Variants in PLXDC2 observed in about 807,000 individuals in gnomAD.
PLXDC2 encodes the protein plexin domain containing 2, also known as plexin domain-containing protein 2.
PLXDC2 carries 40 observed loss-of-function variants against 68.9 expected under a neutral mutation model. The observed-to-expected ratio is 0.58, with a 90% CI of 0.45 to 0.76. The LOEUF (loss-of-function observed/expected upper bound fraction) is 0.76, where lower values mean the gene tolerates loss of function less well. Ranked by LOEUF, PLXDC2 falls within the 30% of genes least tolerant of loss-of-function variation. The pLI, the probability that PLXDC2 is intolerant of heterozygous loss-of-function variation, is 0.00. For missense variants in PLXDC2, 644 were observed against 661.9 expected (o/e 0.97, Z 0.30); for synonymous variants, 243 against 234.2 (o/e 1.04, Z -0.34).
chr10:20,276,320 G>C (rs1836006565), intron 13 of PLXDC2, among the ~76,000 whole-genome samples: 1 of 152,146 alleles, frequency 6.6e-6, no homozygotes, highest in African/African-American at 2.4e-5. Flanking sequence ...ACTGCTAACT[G>C]AGGGTGCCCT....
intron 4 of PLXDC2, among the ~76,000 whole-genome samples, chr10:20,097,165 G>A (rs1009054110): frequency 6.6e-6 from 1 of 152,120 alleles, no homozygotes; most frequent in Admixed American, 6.6e-5. Context: ...GAGAGTATAT[G>A]TAACGCAGTT....
chr10:20,251,880 G>C (rs762279137), intron 13 of PLXDC2, among the ~76,000 whole-genome samples: 16 of 151,262 alleles, frequency 1.1e-4, no homozygotes, highest in Non-Finnish European at 2.1e-4. Context: ...AAATTGATAA[G>C]AACCTCATGA....
At chr10:20,250,197 G>C (rs1343698774) in intron 13 of PLXDC2, among the ~76,000 whole-genome samples, 2 of 151,048 alleles carry the variant, frequency 1.3e-5, no homozygotes, top group East Asian at 3.9e-4. Context: ...GAACCTGGGA[G>C]GTGGAGGTTG....
intron 13 of PLXDC2, among the ~76,000 whole-genome samples, chr10:20,268,703 A>T (rs939338513): frequency 3.2e-4 from 48 of 152,194 alleles, no homozygotes; most frequent in Admixed American, 3.1e-3. Flanking sequence ...GACACAAGTA[A>T]CTTGACAAGA....
chr10:19,965,072 C>G (rs10508605), intron 1 of PLXDC2, among the ~76,000 whole-genome samples: 7,945 of 152,234 alleles, frequency 0.052, 268 homozygotes, highest in Middle Eastern at 0.092. Flanking sequence ...ATTCGTTTGG[C>G]CACTTTTCTA....
intron 12 of PLXDC2, among the ~76,000 whole-genome samples, chr10:20,219,653 A>G (rs1262814053): frequency 1.3e-5 from 2 of 152,190 alleles, no homozygotes; most frequent in African/African-American, 4.8e-5. Flanking sequence ...GAGGGAAAAA[A>G]GTTTTACTGA....
intron 4 of PLXDC2, among the ~76,000 whole-genome samples, chr10:20,100,826 A>G (rs192224059): frequency 6.6e-6 from 1 of 152,192 alleles, no homozygotes; most frequent in Non-Finnish European, 1.5e-5. Context: ...ACTCATCTCA[A>G]TTGAGATGAA....
At chr10:20,093,365 A>G (rs1833306416) in intron 4 of PLXDC2, among the ~76,000 whole-genome samples, 1 of 152,156 alleles carries the variant, frequency 6.6e-6, no homozygotes, top group Non-Finnish European at 1.5e-5. Flanking sequence ...ATCAATATCT[A>G]TCAATATCTA....
chr10:20,018,606 A>G (rs1240919708), intron 2 of PLXDC2, among the ~76,000 whole-genome samples: 5 of 152,202 alleles, frequency 3.3e-5, no homozygotes, highest in African/African-American at 1.2e-4. Context: ...CCAAGTTTTC[A>G]AAAGTATTTA....
intron 2 of PLXDC2, among the ~76,000 whole-genome samples, chr10:20,016,123 C>T (rs769875493): frequency 1.3e-5 from 2 of 152,162 alleles, no homozygotes; most frequent in Non-Finnish European, 2.9e-5. Context: ...TGGACTGTTT[C>T]AAAAGACCAA....
At chr10:19,898,184 T>A (rs1049957975) in intron 1 of PLXDC2, among the ~76,000 whole-genome samples, 1 of 152,208 alleles carries the variant, frequency 6.6e-6, no homozygotes, top group Non-Finnish European at 1.5e-5. Flanking sequence ...TATTTGTATT[T>A]TTTGGTTTGT....
chr10:20,069,403 C>T (rs937091841), intron 4 of PLXDC2, among the ~76,000 whole-genome samples: 5 of 152,234 alleles, frequency 3.3e-5, no homozygotes, highest in Admixed American at 6.5e-5. Context: ...TGGCTCATAC[C>T]TGTAGCTACT....
At chr10:20,067,424 G>A (rs759382878) in intron 3 of PLXDC2, among the ~76,000 whole-genome samples, 1 of 152,050 alleles carries the variant, frequency 6.6e-6, no homozygotes, top group Non-Finnish European at 1.5e-5. Flanking sequence ...GGTGGCTCAC[G>A]CCTGTAATCC....
chr10:19,908,288 TAAG>T (rs1358962312), intron 1 of PLXDC2, among the ~76,000 whole-genome samples: 2 of 152,218 alleles, frequency 1.3e-5, no homozygotes, highest in African/African-American at 2.4e-5. Flanking sequence ...TAGGACATTT[TAAG>T]AAGTTTTCTA....
intron 4 of PLXDC2, among the ~76,000 whole-genome samples, chr10:20,120,993 CAG>C (rs759304013): frequency 6.6e-6 from 1 of 151,988 alleles, no homozygotes; most frequent in Non-Finnish European, 1.5e-5. Flanking sequence ...TCAGGTGGAT[CAG>C]AGAGATACAG....
At chr10:20,263,162 G>A (rs760355701) in intron 13 of PLXDC2, among the ~76,000 whole-genome samples, 6 of 152,210 alleles carry the variant, frequency 3.9e-5, no homozygotes, top group Non-Finnish European at 7.4e-5. Context: ...AAATAGGCAC[G>A]CAGACCAATG....
chr10:19,817,292 C>A (rs560667156), intron 1 of PLXDC2, 101 bp downstream of exon 1: 2 of 964,736 alleles, frequency 2.1e-6, no homozygotes, highest in African/African-American at 1.6e-5. Flanking sequence ...CACCTATCTG[C>A]CCTTGGGAAA....
intron 1 of PLXDC2, among the ~76,000 whole-genome samples, chr10:19,874,794 GC>G (rs1170364174): frequency 6.6e-6 from 1 of 152,134 alleles, no homozygotes; most frequent in Non-Finnish European, 1.5e-5. Flanking sequence ...GGATCAGAAG[GC>G]CGGAAAAGCT....
At chr10:20,034,620 A>G (rs1835549379) in intron 2 of PLXDC2, among the ~76,000 whole-genome samples, 2 of 152,248 alleles carry the variant, frequency 1.3e-5, no homozygotes, top group African/African-American at 2.4e-5. Flanking sequence ...TTTGAGGAGA[A>G]TTCATGCTTC....
Sources: allele counts gnomAD v4.1 joint callset (sites outside exome capture counted in the v4.1 genomes callset), GRCh38; gene constraint gnomAD v4.1.1; transcripts MANE v1.5; gene names NCBI Gene and HGNC (gene_info 2026-07-23, HGNC 2026-07-21).